Variants in SNTG2 observed in about 807,000 individuals in gnomAD.
SNTG2 encodes syntrophin gamma 2.
Under a neutral mutation model 70.9 loss-of-function variants are expected in SNTG2, and 74 were observed. That is an observed-to-expected ratio of 1.04 (90% CI 0.86 to 1.27). SNTG2 has a LOEUF of 1.27. Ranked by LOEUF, SNTG2 falls within the 50% of genes most tolerant of loss-of-function variation. The probability of loss-of-function intolerance (pLI) is 0.00; values close to 1 mark genes in which losing one functional copy is unlikely to be tolerated. For missense variants in SNTG2, 717 were observed against 690.7 expected, an observed-to-expected ratio of 1.04 and a Z score of -0.43; for synonymous variants, 278 against 273.8, an observed-to-expected ratio of 1.02 and a Z score of -0.15.
intron 8 of SNTG2, among the ~76,000 whole-genome samples, chr2:1,197,428 T>C (rs533488534): frequency 1.6e-4 from 24 of 151,420 alleles, no homozygotes; most frequent in African/African-American, 5.8e-4. Context: ...TCTATAAAAA[T>C]TCTAAATACA....
intron 1 of SNTG2, among the ~76,000 whole-genome samples, chr2:957,409 G>A (rs1329138127): frequency 1.3e-5 from 2 of 152,088 alleles, no homozygotes; most frequent in African/African-American, 2.4e-5. Flanking sequence ...GTTTGGCGAT[G>A]ATTAAGTGCC....
intron 2 of SNTG2, among the ~76,000 whole-genome samples, chr2:1,095,846 C>T (rs769953846): frequency 2.0e-5 from 3 of 152,284 alleles, no homozygotes; most frequent in East Asian, 1.9e-4. Flanking sequence ...GTTACTATGA[C>T]GTAGATAATT....
At chr2:1,302,738 G>C (rs149252591) in intron 14 of SNTG2, among the ~76,000 whole-genome samples, 2 of 152,130 alleles carry the variant, frequency 1.3e-5, no homozygotes, top group African/African-American at 2.4e-5. Context: ...CCAAGCTCTA[G>C]TCAAGAAACT....
intron 9 of SNTG2, among the ~76,000 whole-genome samples, chr2:1,232,081 G>A (rs1026645287): frequency 1.5e-4 from 23 of 152,084 alleles, no homozygotes; most frequent in Non-Finnish European, 2.5e-4. Flanking sequence ...TGGCCTGCAC[G>A]GATGGGGCCT....
intron 13 of SNTG2, among the ~76,000 whole-genome samples, chr2:1,266,971 A>G (rs1454997752): frequency 6.6e-6 from 1 of 152,070 alleles, no homozygotes; most frequent in Non-Finnish European, 1.5e-5. Flanking sequence ...AGGTCTTGCC[A>G]TGTTGCCCAG....
chr2:970,600 A>G (rs75056868), intron 1 of SNTG2, among the ~76,000 whole-genome samples: 9 of 142,044 alleles, frequency 6.3e-5, no homozygotes, highest in African/African-American at 2.4e-4. Flanking sequence ...ACATGAACTC[A>G]TCATTTTTTA....
intron 1 of SNTG2, among the ~76,000 whole-genome samples, chr2:973,301 C>T (rs1459839974): frequency 6.6e-6 from 1 of 152,158 alleles, no homozygotes; most frequent in East Asian, 1.9e-4. Context: ...AATTTCCCTA[C>T]ATTTTATGAA....
intron 16 of SNTG2, among the ~76,000 whole-genome samples, chr2:1,319,864 T>C (rs964543351): frequency 6.6e-6 from 1 of 152,200 alleles, no homozygotes; most frequent in African/African-American, 2.4e-5. Context: ...ATGAAAACTC[T>C]AGAAGCTAAT....
At chr2:1,132,648 C>A (rs889449755) in intron 4 of SNTG2, among the ~76,000 whole-genome samples, 10 of 152,152 alleles carry the variant, frequency 6.6e-5, no homozygotes, top group Admixed American at 5.9e-4. Context: ...AGCGGAGTTG[C>A]GGGGTTGGCT....
chr2:953,130 C>G (rs188521301), intron 1 of SNTG2, among the ~76,000 whole-genome samples: 1 of 152,166 alleles, frequency 6.6e-6, no homozygotes, highest in Non-Finnish European at 1.5e-5. Context: ...GTCTCCTGTT[C>G]GGTAACAGAC....
chr2:961,071 T>C (rs1660333925), intron 1 of SNTG2, among the ~76,000 whole-genome samples: 1 of 152,256 alleles, frequency 6.6e-6, no homozygotes, highest in South Asian at 2.1e-4. Flanking sequence ...TCTGTTGATA[T>C]AAATCTTTAT....
chr2:1,328,495 C>T (rs569494553), intron 16 of SNTG2, among the ~76,000 whole-genome samples: 2 of 152,272 alleles, frequency 1.3e-5, no homozygotes, highest in East Asian at 1.9e-4. Context: ...TTCTGGTTTC[C>T]TCAAGAGGTC....
intron 7 of SNTG2, among the ~76,000 whole-genome samples, chr2:1,169,832 GAGGC>G (rs1412439023): frequency 6.6e-6 from 1 of 152,172 alleles, no homozygotes; most frequent in African/African-American, 2.4e-5. Context: ...GCAGATCACA[GAGGC>G]CAGGGGTGCT....
At chr2:1,219,149 A>G (rs1027330339) in intron 9 of SNTG2, among the ~76,000 whole-genome samples, 1 of 152,046 alleles carries the variant, frequency 6.6e-6, no homozygotes, top group Non-Finnish European at 1.5e-5. Flanking sequence ...ACCAGCTGTT[A>G]AAAGTGTATG....
At chr2:1,053,632 C>T (rs1009509152) in intron 1 of SNTG2, among the ~76,000 whole-genome samples, 6 of 152,056 alleles carry the variant, frequency 3.9e-5, no homozygotes, top group Non-Finnish European at 7.4e-5. Flanking sequence ...AGGTCGTGTT[C>T]ATTTGGCATC....
chr2:1,137,345 A>C (rs1668455375), intron 4 of SNTG2, among the ~76,000 whole-genome samples: 1 of 150,310 alleles, frequency 6.7e-6, no homozygotes, highest in South Asian at 2.1e-4. Context: ...ACACACATCC[A>C]TGTGTACACA....
intron 1 of SNTG2, among the ~76,000 whole-genome samples, chr2:1,018,848 G>A (rs925102992): frequency 6.6e-6 from 1 of 152,246 alleles, no homozygotes; most frequent in African/African-American, 2.4e-5. Flanking sequence ...TACAGCCCCT[G>A]TTGGCTCTCA....
intron 1 of SNTG2, among the ~76,000 whole-genome samples, chr2:1,029,434 T>C (rs749192937): frequency 2.0e-5 from 3 of 152,228 alleles, no homozygotes; most frequent in Non-Finnish European, 4.4e-5. Context: ...TATTGAATAA[T>C]AGTATCTAAG....
intron 1 of SNTG2, among the ~76,000 whole-genome samples, chr2:1,029,004 T>G (rs1660659406): frequency 6.6e-6 from 1 of 152,162 alleles, no homozygotes; most frequent in Non-Finnish European, 1.5e-5. Flanking sequence ...GGCATGCACC[T>G]TCTGTCCAGG....
Sources: allele counts gnomAD v4.1 joint callset (sites outside exome capture counted in the v4.1 genomes callset), GRCh38; gene constraint gnomAD v4.1.1; transcripts MANE v1.5; gene names NCBI Gene and HGNC (gene_info 2026-07-23, HGNC 2026-07-21).